RASA2: variants seen among roughly 807,000 people sequenced by gnomAD.
RASA2 encodes ras GTPase-activating protein 2.
Under a neutral mutation model 118.2 loss-of-function variants are expected in RASA2, and 155 were observed. That is an observed-to-expected ratio of 1.31 (90% CI 1.15 to 1.50). RASA2 has a LOEUF of 1.50. Ranked by LOEUF, RASA2 falls within the 40% of genes most tolerant of loss-of-function variation. The pLI, the probability that RASA2 is intolerant of heterozygous loss-of-function variation, is 0.00. For synonymous variants in RASA2, 353 were observed against 349.1 expected (o/e 1.01, Z -0.12); for missense variants, 1,016 against 1,009.6 (o/e 1.01, Z -0.09).
At chr3:141,579,888 T>G (rs1474353441) in intron 15 of RASA2, among the ~76,000 whole-genome samples, 1 of 151,178 alleles carries the variant, frequency 6.6e-6, no homozygotes, top group African/African-American at 2.4e-5. Context: ...AAACTCTGTT[T>G]CTACTGAAAA....
intron 3 of RASA2, among the ~76,000 whole-genome samples, chr3:141,518,558 TTC>T (rs1466911975): frequency 6.6e-6 from 1 of 150,710 alleles, no homozygotes; most frequent in Non-Finnish European, 1.5e-5. Context: ...CTTCTGATGT[TTC>T]TCTGTGTTTG....
intron 8 of RASA2, 102 bp from the exon 9 acceptor site, chr3:141,559,792 A>G: frequency 1.1e-6 from 1 of 941,852 alleles, no homozygotes; most frequent in Admixed American, 2.2e-5. Flanking sequence ...AAGCATGTAA[A>G]ATTAATGCTG....
chr3:141,554,751 A>T (rs1339462747), intron 6 of RASA2, among the ~76,000 whole-genome samples: 3 of 152,222 alleles, frequency 2.0e-5, no homozygotes, highest in Non-Finnish European at 4.4e-5. Context: ...TATGTAAAGT[A>T]CCTAGTACCA....
At chr3:141,586,860 T>C (rs2083212163) in intron 19 of RASA2, 108 bp downstream of exon 19, 2 of 901,778 alleles carry the variant, frequency 2.2e-6, no homozygotes, top group Non-Finnish European at 3.6e-6. Context: ...TACTGTAGTT[T>C]ATGGTTTCTC....
intron 5 of RASA2, among the ~76,000 whole-genome samples, chr3:141,545,990 G>A (rs551705811): frequency 2.0e-5 from 3 of 152,240 alleles, no homozygotes; most frequent in Admixed American, 1.3e-4. Context: ...TTCACTTAAC[G>A]TAATGATCTC....
chr3:141,511,729 T>G (rs1479977172), intron 1 of RASA2, among the ~76,000 whole-genome samples: 1 of 151,932 alleles, frequency 6.6e-6, no homozygotes, highest in Non-Finnish European at 1.5e-5. Context: ...TTTTAAGAAG[T>G]TTTTTTTCCT....
At position 141,581,883 on chromosome 3, in the gene RASA2, G is replaced by A. The variant is rs111961992; in HGVS notation, c.1752+706G>A. 7.1e-3 allele frequency among the ~76,000 whole-genome samples: 1,088 copies of A among 152,250 alleles called. 15 individuals carry two copies. The highest frequency in any genetic ancestry group is 0.025 in the African/African-American group (1,043 of 41,566). ...GTTTTGAAAGGATCTTTAATTTCTT[G>A]AGTCTTTAGTCCTGAATCATCTAAA... is the stretch of plus-strand genomic sequence containing the variant. On this transcript the variant is annotated intron_variant, in intron 17 of 23. Coordinates refer to ENST00000286364, the MANE Select transcript of RASA2 (RefSeq NM_006506.5).
intron 14 of RASA2, among the ~76,000 whole-genome samples, chr3:141,575,121 G>C (rs2082990390): frequency 6.6e-6 from 1 of 152,128 alleles, no homozygotes; most frequent in African/African-American, 2.4e-5. Flanking sequence ...GTAAAATTAG[G>C]CAGGTACTTA....
At chr3:141,607,581 T>A (rs140594200) in intron 19 of RASA2, 97 bp from the exon 20 acceptor site, 2 of 1,238,770 alleles carry the variant, frequency 1.6e-6, no homozygotes, top group East Asian at 3.0e-5. Context: ...ACTCCTACCA[T>A]CAAGAGGATG....
At chr3:141,544,257 G>A (rs191022419) in intron 5 of RASA2, among the ~76,000 whole-genome samples, 5 of 152,098 alleles carry the variant, frequency 3.3e-5, no homozygotes, top group South Asian at 2.1e-4. Flanking sequence ...TTTGGGGTTC[G>A]CTCAGCTTCT....
intron 3 of RASA2, among the ~76,000 whole-genome samples, chr3:141,521,908 T>C (rs533417662): frequency 1.2e-4 from 18 of 149,888 alleles, no homozygotes; most frequent in African/African-American, 3.9e-4. Context: ...TTTTTTTTTT[T>C]AATTTTGAGC....
intron 5 of RASA2, among the ~76,000 whole-genome samples, chr3:141,547,644 C>G (rs561191017): frequency 6.6e-6 from 1 of 152,206 alleles, no homozygotes; most frequent in African/African-American, 2.4e-5. Flanking sequence ...CATCTGTGAA[C>G]AAGGATGATT....
intron 21 of RASA2, 56 bp downstream of exon 21, chr3:141,608,753 A>G (rs550060673): frequency 2.7e-6 from 4 of 1,507,842 alleles, no homozygotes; most frequent in Non-Finnish European, 3.7e-6. Flanking sequence ...TATCCATGCA[A>G]TGTTAATATT....
chr3:141,613,684 A>G lies in RASA2; in HGVS notation c.*1371A>G, dbSNP rs2083686443. The G allele has an allele frequency of 6.6e-6, 1 of 152,226 alleles. No individual in the cohort carries two copies. The highest frequency in any genetic ancestry group is 6.5e-5 in the Admixed American group (1 of 15,288). 9.4% of individuals were successfully genotyped at this position (152,226 alleles called of 1,614,324 possible). ...AGTAGTACTTTTTTTGTCTGAGCAT[A>G]AGCTATATTTCAAGATATACTTTGC... On this transcript the variant is annotated 3_prime_UTR_variant, in exon 24 of 24. Transcript: ENST00000286364.
rs932714309 is a variant in RASA2, at chr3:141,615,062, A to G, written c.*2749A>G. Reference sequence around the variant, plus strand: ...GGTGTTTTTACAGTATGTGAAAAATACAAGACTCATTCTAGAGTTAAATTA... The same window carrying G: ...GGTGTTTTTACAGTATGTGAAAAATGCAAGACTCATTCTAGAGTTAAATTA... On this transcript the variant is annotated 3_prime_UTR_variant, in exon 24 of 24. Transcript: ENST00000286364. 3 of 152,208 alleles carry G rather than the reference A, an allele frequency of 2.0e-5. No homozygotes were observed. Among genetic ancestry groups the G allele is most frequent in the Non-Finnish European group, 1.5e-5 (1 of 68,034 alleles). 9.4% of individuals were successfully genotyped at this position (152,208 alleles called of 1,614,324 possible). A position where few individuals can be genotyped will look rare whatever the true frequency, so the allele number is the denominator to read the frequency against.
At chr3:141,570,526 A>G (rs1449971098) in intron 9 of RASA2, among the ~76,000 whole-genome samples, 1 of 152,174 alleles carries the variant, frequency 6.6e-6, no homozygotes, top group African/African-American at 2.4e-5. Flanking sequence ...GGACTGTCTT[A>G]ATTTTCAGCT....
chr3:141,563,707 A>T (rs2082772487), intron 9 of RASA2, among the ~76,000 whole-genome samples: 1 of 152,190 alleles, frequency 6.6e-6, no homozygotes, highest in African/African-American at 2.4e-5. Context: ...GAAATTTAGC[A>T]ACTTGTCTAA....
At chr3:141,581,670 C>G (rs1463844244) in intron 17 of RASA2, among the ~76,000 whole-genome samples, 2 of 152,044 alleles carry the variant, frequency 1.3e-5, no homozygotes, top group African/African-American at 4.8e-5. Flanking sequence ...TGTATGGTGC[C>G]TGATGTAGAG....
At position 141,561,861 on chromosome 3, in the gene RASA2, A is replaced by G. The variant is rs140234861; in HGVS notation, c.863+1866A>G. Among the ~76,000 whole-genome samples, 1,448 of 152,312 alleles carry G rather than the reference A, an allele frequency of 9.5e-3. 21 individuals are homozygous for G. The highest frequency in any genetic ancestry group is 0.033 in the African/African-American group (1,374 of 41,554). The stretch of plus-strand genomic sequence containing the variant: ...TCTTTTCAACAGAAGCACTTTATAC[A>G]TGATTTTAGACTAGATGAATATTTG... On this transcript the variant is annotated intron_variant, in intron 9 of 23. Transcript: ENST00000286364.
Sources: allele counts gnomAD v4.1 joint callset (sites outside exome capture counted in the v4.1 genomes callset), GRCh38; gene constraint gnomAD v4.1.1; transcripts MANE v1.5; gene names NCBI Gene and HGNC (gene_info 2026-07-23, HGNC 2026-07-21).